Variants in CFAP47 observed in about 807,000 individuals in gnomAD.
CFAP47 encodes cilia- and flagella-associated protein 47.
In CFAP47, 29 loss-of-function variants were observed where a neutral mutation model predicts 148.1. The ratio of observed to expected loss-of-function variants is 0.20; its 90% CI spans 0.15 to 0.27. The LOEUF is 0.27. Ranked by LOEUF, CFAP47 falls within the 10% of genes least tolerant of loss-of-function variation. CFAP47 has a pLI of 1.00. For missense variants in CFAP47, 1,872 were observed against 1,697.5 expected (o/e 1.10, Z -1.81); for synonymous variants, 664 against 577.3 (o/e 1.15, Z -2.15).
Position 36,195,760 on chromosome X carries a change from T to C in CFAP47, c.6322-4619T>C, listed in dbSNP as rs1289371833. 2.7e-5 allele frequency among the ~76,000 whole-genome samples: 3 copies of C among 111,390 alleles called. No individual in the cohort carries two copies. The East Asian group carries it at 8.5e-4, about 31-fold the overall frequency. On this transcript the variant is annotated intron_variant, in intron 42 of 63. Transcript: ENST00000378653. ...TCAAACTTAATGACAGTTTGAGTGA[T>C]GTTCGCATTTGAAGGGAAGGAAGTT... is the stretch of plus-strand genomic sequence containing the variant.
chrX:36,030,106 C>A (rs2146717940), intron 22 of CFAP47, among the ~76,000 whole-genome samples: 1 of 110,383 alleles, frequency 9.1e-6, no homozygotes, highest in Admixed American at 9.7e-5. Flanking sequence ...TAATACCTCT[C>A]AAAAGGCTGG....
At chrX:35,990,439 A>G (rs778638313) in intron 16 of CFAP47, among the ~76,000 whole-genome samples, 1 of 111,053 alleles carries the variant, frequency 9.0e-6, no homozygotes, top group East Asian at 2.9e-4. Context: ...TCTATGTTGC[A>G]CTAGTTCTGT....
chrX:36,375,531 A>T (rs181474655), intron 62 of CFAP47, among the ~76,000 whole-genome samples: 40 of 112,166 alleles, frequency 3.6e-4, no homozygotes, highest in African/African-American at 1.3e-3. Flanking sequence ...TATAGCTGTT[A>T]TGTACATTTA....
In CFAP47 at chrX:36,272,706, A is replaced by T. The variant is rs188663425; in HGVS notation, c.7445-7781A>T. ...TCCAGGACCCTCAGTTTTCTTAGGG[A>T]TGAACTAAATGGCTGATACCAACAC... On this transcript the variant is annotated intron_variant, in intron 49 of 63. Transcript: ENST00000378653. Among the ~76,000 whole-genome samples the T allele has an allele frequency of 1.4e-4, 16 of 111,471 alleles. No homozygotes were observed. The East Asian group carries it at 4.2e-3, about 29-fold the overall frequency.
intron 26 of CFAP47, among the ~76,000 whole-genome samples, chrX:36,060,193 T>C (rs1423455416): frequency 8.9e-6 from 1 of 112,032 alleles, no homozygotes; most frequent in Admixed American, 9.5e-5. Context: ...CATGTATTTC[T>C]GTGCACGTGT....
At chrX:35,964,354 G>A (rs1179476046) in intron 8 of CFAP47, among the ~76,000 whole-genome samples, 1 of 111,117 alleles carries the variant, frequency 9.0e-6, no homozygotes, top group Non-Finnish European at 1.9e-5. Context: ...TCCTTCTCAT[G>A]TGATGATTAT....
At chrX:36,363,197 T>A (rs1425131272) in intron 61 of CFAP47, among the ~76,000 whole-genome samples, 2 of 111,884 alleles carry the variant, frequency 1.8e-5, no homozygotes, top group Non-Finnish European at 3.8e-5. Context: ...TTTACTATGA[T>A]TTCTTCTTTT....
At chrX:36,295,399 T>A (rs1188726408) in intron 51 of CFAP47, among the ~76,000 whole-genome samples, 1 of 112,415 alleles carries the variant, frequency 8.9e-6, no homozygotes, top group Non-Finnish European at 1.9e-5. Context: ...TCTCATTTAG[T>A]AAGAGTTCTT....
In CFAP47 at chrX:36,035,688, T is replaced by A. The variant is rs1352823997; in HGVS notation, c.3652-7T>A. The A allele has an allele frequency of 6.8e-6, 2 of 293,744 alleles. No individual in the cohort carries two copies. Among genetic ancestry groups the A allele is most frequent in the African/African-American group, 2.8e-5 (1 of 36,279 alleles). The allele number at this position is 293,744 out of a possible 1,213,427, so 24.2% of individuals were successfully genotyped here. A position where few individuals can be genotyped will look rare whatever the true frequency, so the allele number is the denominator to read the frequency against. On this transcript the variant is annotated splice_polypyrimidine_tract_variant and splice_region_variant and intron_variant, in intron 23 of 63. Transcript: ENST00000378653. ...AACTTTTTTTGTCTTTTTGTGTGTG[T>A]GAGCAGAATCTTGTTTTATATAATA...
At chrX:36,227,307 A>G (rs146775773) in intron 45 of CFAP47, among the ~76,000 whole-genome samples, 2,933 of 111,837 alleles carry the variant, frequency 0.026, 43 homozygotes, top group Non-Finnish European at 0.039. Flanking sequence ...ATGTAATACA[A>G]ATTTCAAATA....
intron 26 of CFAP47, among the ~76,000 whole-genome samples, chrX:36,062,965 A>G (rs1253728420): frequency 1.8e-5 from 2 of 112,332 alleles, no homozygotes; most frequent in East Asian, 2.8e-4. Context: ...TACTTATAAC[A>G]GGAAACACGG....
rs1251507102 is a variant in CFAP47 at position 35,975,236 on chromosome X, T to G, written c.2344T>G (p.Leu782Val). 1 of 1,196,585 alleles carries G rather than the reference T, an allele frequency of 8.4e-7. No individual in the cohort carries two copies. Among genetic ancestry groups the G allele is most frequent in the Admixed American group, 2.2e-5 (1 of 45,838 alleles). ...TATTAATATGCTACCTATGCATGTT[T>G]TGCTCCAGTTAGATACTGATTTAGA... is the stretch of plus-strand genomic sequence containing the variant. ...HVINMLPMHV[L>V]LQLDTDLEEL... Residue 782 changes from leucine (L) to valine (V), a missense_variant, in exon 14 of 64, where the codon TTG becomes GTG. By Grantham distance (32) the Leu-to-Val change is conservative. Coordinates refer to ENST00000378653, the MANE Select transcript of CFAP47 (RefSeq NM_001304548.2).
chrX:36,287,398 C>T (rs782743878), intron 51 of CFAP47, among the ~76,000 whole-genome samples: 4 of 111,175 alleles, frequency 3.6e-5, no homozygotes, highest in South Asian at 3.7e-4. Flanking sequence ...ACTCGTCTTA[C>T]GCACATATAT....
At chrX:35,999,713 G>A (rs1048344862) in intron 19 of CFAP47, among the ~76,000 whole-genome samples, 12 of 111,841 alleles carry the variant, frequency 1.1e-4, no homozygotes, top group Admixed American at 1.9e-4. Flanking sequence ...GATAGAAGGG[G>A]CACCAAAAGG....
rs142247556 is a variant in CFAP47, at chrX:36,350,051, G to A, written c.8617G>A (p.Asp2873Asn). 1,575 of 1,146,838 alleles carry A rather than the reference G, an allele frequency of 1.4e-3. 14 individuals are homozygous for A. In the Admixed American group the frequency reaches 0.026, roughly 19 times the overall value. 94.5% of individuals were successfully genotyped at this position (1,146,838 alleles called of 1,213,427 possible). Residue 2873 changes from aspartate to asparagine, a missense_variant, in exon 59 of 64, where the codon GAC (aspartate) becomes AAC (asparagine). Coordinates refer to ENST00000378653, the MANE Select transcript of CFAP47 (RefSeq NM_001304548.2). ...ATTTCTAATTAGTATTGTGGGAATC[G>A]ACAGCGAAGAAATCCAAGCAATACA... Reference protein sequence around the residue: ...DIKFKSIVGIDSEEIQAIHWI... With the variant: ...DIKFKSIVGINSEEIQAIHWI...
At position 36,264,533 on chromosome X, in the gene CFAP47, C is replaced by T. The variant is rs1369000962; in HGVS notation, c.7444+13089C>T. Reference sequence around the variant, plus strand: ...GGTCTGGTTTTCCTTTCTGCTCTAACAGGAAAGCACTGAGTTAAATACCCC... The same window carrying T: ...GGTCTGGTTTTCCTTTCTGCTCTAATAGGAAAGCACTGAGTTAAATACCCC... On this transcript the variant is annotated intron_variant, in intron 49 of 63. Coordinates refer to ENST00000378653, the MANE Select transcript of CFAP47 (RefSeq NM_001304548.2). Among the ~76,000 whole-genome samples the T allele has an allele frequency of 2.7e-5, 3 of 111,621 alleles. No homozygotes were observed. The East Asian group carries it at 8.5e-4, about 32-fold the overall frequency.
chrX:36,184,388 A>G (rs1939783192), intron 40 of CFAP47, among the ~76,000 whole-genome samples: 1 of 111,305 alleles, frequency 9.0e-6, no homozygotes, highest in African/African-American at 3.3e-5. Context: ...AATAAAAGAC[A>G]TACAAACTGC....
intron 22 of CFAP47, among the ~76,000 whole-genome samples, chrX:36,028,695 A>G (rs1937248828): frequency 9.0e-6 from 1 of 111,666 alleles, no homozygotes; most frequent in Non-Finnish European, 1.9e-5. Flanking sequence ...ATTTTTGTAT[A>G]TTAATTTTGT....
intron 4 of CFAP47, among the ~76,000 whole-genome samples, 168 bp from the exon 5 acceptor site, chrX:35,950,963 C>G (rs967788498): frequency 9.0e-6 from 1 of 111,472 alleles, no homozygotes; most frequent in East Asian, 2.8e-4. Flanking sequence ...ACAGAAGAAC[C>G]TGATAACCTC....
Sources: allele counts gnomAD v4.1 joint callset (sites outside exome capture counted in the v4.1 genomes callset), GRCh38; gene constraint gnomAD v4.1.1; transcripts MANE v1.5; gene names NCBI Gene and HGNC (gene_info 2026-07-23, HGNC 2026-07-21).